Variants in TMEM51 observed in about 807,000 individuals in gnomAD.
TMEM51 encodes chromosome 1 open reading frame 72.
In TMEM51, 8 loss-of-function variants were observed where a neutral mutation model predicts 13.6. That is an observed-to-expected ratio of 0.59 (90% CI 0.35 to 1.07). The LOEUF is 1.07. TMEM51 is among the 50% of genes least tolerant of loss of function. The probability of loss-of-function intolerance (pLI) is 0.02; values close to 1 mark genes in which losing one functional copy is unlikely to be tolerated. For synonymous variants in TMEM51, 147 were observed against 144.4 expected (o/e 1.02, Z -0.13); for missense variants, 279 against 330.7 (o/e 0.84, Z 1.21).
intron 1 of TMEM51, among the ~76,000 whole-genome samples, chr1:15,175,512 C>A (rs907397216): frequency 1.3e-5 from 2 of 152,216 alleles, no homozygotes; most frequent in African/African-American, 4.8e-5. Context: ...TGCCTCAGGG[C>A]CTTTGCACTG....
upstream of TMEM51, chr1:15,152,654 G>A (rs1011581128): frequency 3.3e-5 from 5 of 152,286 alleles, no homozygotes; most frequent in Non-Finnish European, 7.3e-5. Context: ...GGGAATGGGA[G>A]CTGGCTCTTC....
In TMEM51 at chr1:15,189,213, C is replaced by CTTTTTTTTTTTTTTTTTTTTT. The variant is rs59346950; in HGVS notation, c.-266-21275_-266-21255dup. On this transcript the variant is annotated intron_variant, in intron 1 of 3. Transcript: ENST00000376008. ...CTTCACCACACCCAGCTAATTTTTC[C>CTTTTTTTTTTTTTTTTTTTTT]TTTTTTTTTTTTTTTTTTTTTTAGT... Among the ~76,000 whole-genome samples, 186 of 92,844 alleles carry CTTTTTTTTTTTTTTTTTTTTT rather than the reference C, an allele frequency of 2.0e-3. 13 individuals are homozygous for CTTTTTTTTTTTTTTTTTTTTT. Among genetic ancestry groups the CTTTTTTTTTTTTTTTTTTTTT allele is most frequent in the Non-Finnish European group, 2.7e-3 (128 of 46,592 alleles). The allele number at this position is 92,844 out of a possible 152,430, so 60.9% of individuals were successfully genotyped here. A position where few individuals can be genotyped will look rare whatever the true frequency, so the allele number is the denominator to read the frequency against.
In TMEM51 at chr1:15,210,563, G is replaced by T. The variant is rs1414365256; in HGVS notation, c.-194+1G>T. On this transcript the variant is annotated splice_donor_variant, in intron 2 of 3. Coordinates refer to ENST00000376008, the MANE Select transcript of TMEM51 (RefSeq NM_001136218.2). LOFTEE classifies it low-confidence loss of function (5UTR_SPLICE). ...CCTGAGTCTCCTCAAATAACAACAGGTAGATACCTCTCTAACTGGTTAATA... is the reference window on the plus strand; with the variant it reads ...CCTGAGTCTCCTCAAATAACAACAGTTAGATACCTCTCTAACTGGTTAATA... The T allele has an allele frequency of 6.6e-6, 1 of 152,106 alleles. No homozygotes were observed. Among genetic ancestry groups the T allele is most frequent in the Non-Finnish European group, 1.5e-5 (1 of 68,016 alleles). The allele number at this position is 152,106 out of a possible 1,614,324, so 9.4% of individuals were successfully genotyped here. A position where few individuals can be genotyped will look rare whatever the true frequency, so the allele number is the denominator to read the frequency against.
At chr1:15,152,745 TC>T (rs1642437714), upstream of TMEM51, 1 of 146,592 alleles carries the variant, frequency 6.8e-6, no homozygotes, top group Non-Finnish European at 1.5e-5. Context: ...GCAACGCAGT[TC>T]CGAGGGCAGA....
At chr1:15,196,096 C>T (rs1000325932) in intron 1 of TMEM51, among the ~76,000 whole-genome samples, 2 of 152,178 alleles carry the variant, frequency 1.3e-5, no homozygotes, top group African/African-American at 4.8e-5. Context: ...TTGCATGGCA[C>T]TGCATGGTGT....
chr1:15,162,199 G>A (rs1642803128), intron 1 of TMEM51, among the ~76,000 whole-genome samples: 1 of 152,070 alleles, frequency 6.6e-6, no homozygotes, highest in African/African-American at 2.4e-5. Flanking sequence ...GTCTTACTCT[G>A]TTGCCCAGAC....
chr1:15,192,200 G>C lies in TMEM51; in HGVS notation c.-266-18290G>C, dbSNP rs56404681. 3,004 of 387,946 alleles carry C rather than the reference G, an allele frequency of 7.7e-3. 19 individuals are homozygous for C. The highest frequency in any genetic ancestry group is 0.012 in the Non-Finnish European group (2,239 of 193,990). The allele number at this position is 387,946 out of a possible 1,614,324, so 24.0% of individuals were successfully genotyped here. A position where few individuals can be genotyped will look rare whatever the true frequency, so the allele number is the denominator to read the frequency against. ...GCTGCAAAGATTTCTTCATTTTCAG[G>C]GGTTGTAAGAGATCTTTCTAAATCC... is the stretch of plus-strand genomic sequence containing the variant. On this transcript the variant is annotated intron_variant, in intron 1 of 3. Coordinates refer to ENST00000376008, the MANE Select transcript of TMEM51 (RefSeq NM_001136218.2).
intron 1 of TMEM51, among the ~76,000 whole-genome samples, chr1:15,199,761 C>G (rs1043887304): frequency 6.6e-6 from 1 of 152,170 alleles, no homozygotes; most frequent in Non-Finnish European, 1.5e-5. Flanking sequence ...TAACCCTCCA[C>G]GTGGATAACA....
At chr1:15,164,301 G>C (rs1185288301) in intron 1 of TMEM51, 1 of 454,032 alleles carries the variant, frequency 2.2e-6, no homozygotes, top group Non-Finnish European at 4.4e-6. Context: ...TGTCTCCTTA[G>C]TATCTTCTGA....
intron 3 of TMEM51, among the ~76,000 whole-genome samples, chr1:15,216,652 G>A (rs1331624226): frequency 6.6e-6 from 1 of 152,144 alleles, no homozygotes; most frequent in East Asian, 1.9e-4. Context: ...CAGGTGCAAA[G>A]GAGTTTGTAC....
intron 1 of TMEM51, among the ~76,000 whole-genome samples, chr1:15,197,811 G>A (rs534037080): frequency 3.3e-5 from 5 of 152,078 alleles, no homozygotes; most frequent in East Asian, 1.9e-4. Flanking sequence ...CCCTGATCTC[G>A]CTGTGTCTGT....
At position 15,219,540 on chromosome 1, in the gene TMEM51, C is replaced by T. The variant is rs758722811; in HGVS notation, c.559C>T (p.Pro187Ser). Reference protein sequence around the residue: ...ADVEASPGNPPDRQNSKLAKR... With the variant: ...ADVEASPGNPSDRQNSKLAKR... ...CGTGGAGGCCAGCCCTGGGAACCCC[C>T]CTGACAGGCAGAACTCTAAGTTGGC... is the stretch of plus-strand genomic sequence containing the variant. The change falls in exon 4 of 4, where the codon CCT (proline) becomes TCT (serine). Residue 187 changes from proline to serine, a missense_variant. Pro to Ser is a moderately conservative substitution (Grantham distance 74). Transcript: ENST00000376008. The T allele has an allele frequency of 3.5e-5, 57 of 1,613,998 alleles. No homozygotes were observed. In the South Asian group the frequency reaches 6.1e-4, roughly 17 times the overall value.
chr1:15,197,689 A>C (rs2100298780), intron 1 of TMEM51, among the ~76,000 whole-genome samples: 1 of 152,128 alleles, frequency 6.6e-6, no homozygotes, highest in African/African-American at 2.4e-5. Context: ...GGATGGTATC[A>C]TTGTTGCCAT....
chr1:15,166,983 G>A (rs892396276), intron 1 of TMEM51, among the ~76,000 whole-genome samples: 3 of 152,002 alleles, frequency 2.0e-5, no homozygotes, highest in African/African-American at 7.3e-5. Context: ...CACGTAAATA[G>A]AATCATACAG....
At chr1:15,174,685 A>G (rs1643399638) in intron 1 of TMEM51, among the ~76,000 whole-genome samples, 1 of 152,194 alleles carries the variant, frequency 6.6e-6, no homozygotes, top group Non-Finnish European at 1.5e-5. Flanking sequence ...TGGCTTACAC[A>G]ATAGAAATTT....
chr1:15,214,975 A>T lies in TMEM51; in HGVS notation c.-113A>T. The stretch of plus-strand genomic sequence containing the variant: ...CGCAGGAGTTCAGCTGATATTTTCT[A>T]GTGTGGGGCGAGAGATTTTGTGGAG... On this transcript the variant is annotated 5_prime_UTR_variant, in exon 3 of 4. Coordinates refer to ENST00000376008, the MANE Select transcript of TMEM51 (RefSeq NM_001136218.2). 9.8e-7 allele frequency: 1 copy of T among 1,017,932 alleles called. No homozygotes were observed. The highest frequency in any genetic ancestry group is 1.4e-6 in the Non-Finnish European group (1 of 708,154). 63.1% of individuals were successfully genotyped at this position (1,017,932 alleles called of 1,614,324 possible).
At chr1:15,195,073 C>T (rs1339586097) in intron 1 of TMEM51, among the ~76,000 whole-genome samples, 1 of 151,794 alleles carries the variant, frequency 6.6e-6, no homozygotes, top group Non-Finnish European at 1.5e-5. Flanking sequence ...TACAGGCACT[C>T]ACCACCATGC....
rs1573389466 is a variant in TMEM51, at chr1:15,171,554, G to A, written c.-267+17600G>A. ...GGACCAGCAGTCAGGAGAAAGAGCT[G>A]GATGCAGAATGGAGGACAGGCTCGA... On this transcript the variant is annotated intron_variant, in intron 1 of 3. Coordinates refer to ENST00000376008, the MANE Select transcript of TMEM51 (RefSeq NM_001136218.2). 2.6e-5 allele frequency among the ~76,000 whole-genome samples: 4 copies of A among 152,160 alleles called. No homozygotes were observed. The East Asian group carries it at 7.7e-4, about 29-fold the overall frequency.
At chr1:15,185,711 G>C (rs1055957385) in intron 1 of TMEM51, among the ~76,000 whole-genome samples, 1 of 152,220 alleles carries the variant, frequency 6.6e-6, no homozygotes, top group Non-Finnish European at 1.5e-5. Flanking sequence ...AATTTTACCA[G>C]TCTGTGAACT....
Sources: gnomAD v4.1 joint callset for allele counts (sites outside exome capture counted in the v4.1 genomes callset) on GRCh38, gnomAD v4.1.1 for gene constraint, MANE v1.5 for transcripts, NCBI Gene and HGNC (gene_info 2026-07-23, HGNC 2026-07-21) for gene names.